The following GRIN2B variants were observed in gnomAD, a reference collection of about 807,000 sequenced individuals.
GRIN2B encodes the protein glutamate receptor ionotropic, NMDA 2B.
A neutral mutation model predicts 114.5 loss-of-function variants in GRIN2B; 5 were observed. The ratio of observed to expected loss-of-function variants is 0.04; its 90% CI spans 0.02 to 0.09. GRIN2B has a LOEUF of 0.09. Ranked by LOEUF, GRIN2B falls within the 10% of genes least tolerant of loss-of-function variation. The pLI is 1.00. For missense variants in GRIN2B, 1,108 were observed against 1,943.5 expected, an observed-to-expected ratio of 0.57 and a Z score of 8.08; for synonymous variants, 787 against 745.1, an observed-to-expected ratio of 1.06 and a Z score of -0.92.
Position 13,811,154 on chromosome 12 carries a change from T to C in GRIN2B, c.411+54644A>G, listed in dbSNP as rs371655200. 8.7e-4 allele frequency among the ~76,000 whole-genome samples: 133 copies of C among 152,270 alleles called. 4 individuals carry two copies. In the South Asian group the frequency reaches 0.027, roughly 31 times the overall value. ...CATTTATAAGTGTTCGGGAAGGGGA[T>C]AAGAAAAATGCCAAAATAGAGTTGG... On this transcript the variant is annotated intron_variant, in intron 3 of 13. Transcript: ENST00000609686.
At chr12:13,776,747 T>C (rs763288723) in intron 3 of GRIN2B, among the ~76,000 whole-genome samples, 1 of 151,744 alleles carries the variant, frequency 6.6e-6, no homozygotes, top group Non-Finnish European at 1.5e-5. Flanking sequence ...GATAAAAAGA[T>C]GAATATAGGT....
intron 10 of GRIN2B, among the ~76,000 whole-genome samples, chr12:13,590,475 G>C (rs1274485286): frequency 1.3e-5 from 2 of 152,082 alleles, no homozygotes; most frequent in African/African-American, 4.8e-5. Context: ...ACTTATGAAT[G>C]AGAACACGTG....
chr12:13,709,873 G>C (rs766205686), intron 4 of GRIN2B, among the ~76,000 whole-genome samples: 8 of 151,938 alleles, frequency 5.3e-5, no homozygotes, highest in Non-Finnish European at 1.0e-4. Flanking sequence ...GGCCATATCT[G>C]ATAAGGTTAA....
chr12:13,549,375 C>A lies in GRIN2B; in HGVS notation c.*13408G>T, dbSNP rs1948383768. The A allele has an allele frequency of 6.6e-6, 1 of 152,112 alleles. No individual in the cohort carries two copies. Among genetic ancestry groups the A allele is most frequent in the Admixed American group, 6.5e-5 (1 of 15,276 alleles). The allele number at this position is 152,112 out of a possible 1,614,324, so 9.4% of individuals were successfully genotyped here. ...ATTATCGGTCTGGGGGCTATAGGTT[C>A]TTTCTTCAAGAATTCATTGTGTATG... On this transcript the variant is annotated 3_prime_UTR_variant, in exon 14 of 14. Transcript: ENST00000609686.
At chr12:13,662,974 T>C in intron 5 of GRIN2B, among the ~76,000 whole-genome samples, 1 of 152,182 alleles carries the variant, frequency 6.6e-6, no homozygotes, top group East Asian at 1.9e-4. Flanking sequence ...ATGTCTGTGA[T>C]CAGCGGCCCT....
At chr12:13,709,642 C>G (rs1249676325) in intron 4 of GRIN2B, among the ~76,000 whole-genome samples, 1 of 151,996 alleles carries the variant, frequency 6.6e-6, no homozygotes, top group Non-Finnish European at 1.5e-5. Context: ...CCTTGAGGCT[C>G]TAAGTACTGC....
intron 2 of GRIN2B, among the ~76,000 whole-genome samples, chr12:13,946,687 C>T (rs1266732285): frequency 6.6e-6 from 1 of 152,044 alleles, no homozygotes; most frequent in Non-Finnish European, 1.5e-5. Flanking sequence ...AAAATAACCA[C>T]ATTAATTTTG....
At chr12:13,659,740 A>G (rs1949902121) in intron 5 of GRIN2B, among the ~76,000 whole-genome samples, 1 of 152,086 alleles carries the variant, frequency 6.6e-6, no homozygotes, top group Non-Finnish European at 1.5e-5. Context: ...AACCTTCCCT[A>G]TCATTTAAAG....
At chr12:13,795,486 C>T (rs1411730880) in intron 3 of GRIN2B, among the ~76,000 whole-genome samples, 1 of 152,088 alleles carries the variant, frequency 6.6e-6, no homozygotes, top group Non-Finnish European at 1.5e-5. Flanking sequence ...GTAAGATGGG[C>T]ATATTGATAA....
intron 4 of GRIN2B, among the ~76,000 whole-genome samples, chr12:13,752,261 TAATAC>T (rs1863495633): frequency 6.6e-6 from 1 of 152,220 alleles, no homozygotes; most frequent in Non-Finnish European, 1.5e-5. Flanking sequence ...CTGTACATCT[TAATAC>T]AATTAAAAAT....
At chr12:13,949,617 G>A (rs192119415) in intron 2 of GRIN2B, among the ~76,000 whole-genome samples, 4 of 152,292 alleles carry the variant, frequency 2.6e-5, no homozygotes, top group African/African-American at 7.2e-5. Flanking sequence ...GCCTCTACAG[G>A]AGGGTGTCAG....
At chr12:13,824,661 T>C (rs1384096668) in intron 3 of GRIN2B, among the ~76,000 whole-genome samples, 1 of 152,054 alleles carries the variant, frequency 6.6e-6, no homozygotes, top group Non-Finnish European at 1.5e-5. Context: ...GAGACCAGCC[T>C]GGCCAACATG....
At chr12:13,593,985 T>A (rs1490700159) in intron 10 of GRIN2B, among the ~76,000 whole-genome samples, 3 of 152,170 alleles carry the variant, frequency 2.0e-5, no homozygotes, top group Non-Finnish European at 1.5e-5. Flanking sequence ...TACCATCTCA[T>A]GCCAGTTAGA....
At chr12:13,749,524 T>G (rs773417875) in intron 4 of GRIN2B, among the ~76,000 whole-genome samples, 24 of 152,324 alleles carry the variant, frequency 1.6e-4, no homozygotes, top group African/African-American at 5.8e-4. Flanking sequence ...GAGAGGAGAA[T>G]AGCAGGCCAA....
rs140913876 is a variant in GRIN2B, at chr12:13,867,234, T to C, written c.-18-1008A>G. Among the ~76,000 whole-genome samples, 673 of 152,308 alleles carry C rather than the reference T, an allele frequency of 4.4e-3. 2 individuals carry two copies. Among genetic ancestry groups the C allele is most frequent in the South Asian group, 0.014 (69 of 4,824 alleles). On this transcript the variant is annotated intron_variant, in intron 2 of 13. Coordinates refer to ENST00000609686, the MANE Select transcript of GRIN2B (RefSeq NM_000834.5). ...TTCCCTAAAATGACTGATACCGTAT[T>C]TTCATATAATTTGCCACCTTTTACC... is the stretch of plus-strand genomic sequence containing the variant.
Position 13,954,297 on chromosome 12 carries a change from T to C in GRIN2B, c.-19+25631A>G, listed in dbSNP as rs1044753561. 3.9e-5 allele frequency among the ~76,000 whole-genome samples: 6 copies of C among 152,200 alleles called. No individual in the cohort carries two copies. In the East Asian group the frequency reaches 1.2e-3, roughly 29 times the overall value. The stretch of plus-strand genomic sequence containing the variant: ...TGCTACATGATTCAACAAAGGGTGC[T>C]GGCCAGGTTAGAGATACTAGAGCCA... On this transcript the variant is annotated intron_variant, in intron 2 of 13. Transcript: ENST00000609686.
intron 4 of GRIN2B, among the ~76,000 whole-genome samples, chr12:13,730,970 T>C (rs904219333): frequency 6.6e-6 from 1 of 152,112 alleles, no homozygotes; most frequent in Non-Finnish European, 1.5e-5. Context: ...ACAATCCTCC[T>C]TCCCTGTCTC....
intron 2 of GRIN2B, among the ~76,000 whole-genome samples, chr12:13,977,611 G>A (rs1863048016): frequency 6.6e-6 from 1 of 152,130 alleles, no homozygotes; most frequent in Admixed American, 6.5e-5. Context: ...CACATTGTAA[G>A]GGGGCTGGCA....
At chr12:13,831,246 C>G (rs1455722707) in intron 3 of GRIN2B, among the ~76,000 whole-genome samples, 1 of 152,152 alleles carries the variant, frequency 6.6e-6, no homozygotes. Flanking sequence ...CCAAATAATC[C>G]TCTTTTCTTT....
Sources: gnomAD v4.1 joint callset for allele counts (sites outside exome capture counted in the v4.1 genomes callset) on GRCh38, gnomAD v4.1.1 for gene constraint, MANE v1.5 for transcripts, NCBI Gene and HGNC (gene_info 2026-07-23, HGNC 2026-07-21) for gene names.